The following SEM1 variants were observed in gnomAD, a reference collection of about 807,000 sequenced individuals.
SEM1 encodes the protein SEM1 26S proteasome subunit.
A neutral mutation model predicts 12.7 loss-of-function variants in SEM1; 3 were observed. The ratio of observed to expected loss-of-function variants is 0.24; its 90% CI spans 0.11 to 0.61. The LOEUF (loss-of-function observed/expected upper bound fraction) is 0.61. SEM1 is among the 20% of genes least tolerant of loss of function. The pLI, the probability that SEM1 is intolerant of heterozygous loss-of-function variation, is 0.88. For synonymous variants in SEM1, 30 were observed against 27.8 expected (o/e 1.08, Z -0.25); for missense variants, 59 against 81.3 (o/e 0.73, Z 1.06).
chr7:96,513,134 C>T (rs541696153), intron 2 of SEM1, among the ~76,000 whole-genome samples: 52 of 151,984 alleles, frequency 3.4e-4, no homozygotes, highest in African/African-American at 1.1e-3. Flanking sequence ...AGTTTGGATA[C>T]GGAGACAGAT....
Position 96,564,571 on chromosome 7 carries a change from T to C in SEM1, c.171-57873A>G, listed in dbSNP as rs1235397106. On this transcript the variant is annotated intron_variant and NMD_transcript_variant, in intron 2 of 3. Coordinates refer to the SEM1 transcript ENST00000466986. ...TTTCCCTTTCCTTGACCGTGCCGGC[T>C]AGAAAGTGAATGTGATGGCTGGGGC... 3.3e-5 allele frequency among the ~76,000 whole-genome samples: 5 copies of C among 152,136 alleles called. No homozygotes were observed. The East Asian group carries it at 9.7e-4, about 29-fold the overall frequency.
intron 2 of SEM1, among the ~76,000 whole-genome samples, chr7:96,536,472 A>AT (rs1195682604): frequency 2.6e-5 from 4 of 151,586 alleles, no homozygotes; most frequent in Non-Finnish European, 4.4e-5. Flanking sequence ...ATCAAGACTG[A>AT]TTTTCTTCCT....
chr7:96,619,591 G>A (rs1807827466), downstream of SEM1, among the ~76,000 whole-genome samples: 1 of 152,132 alleles, frequency 6.6e-6, no homozygotes, highest in African/African-American at 2.4e-5. Context: ...TTGCTTGGAA[G>A]CTAATAGTGG....
At chr7:96,683,036 C>A (rs1462790868) in intron 2 of SEM1, among the ~76,000 whole-genome samples, 2 of 151,912 alleles carry the variant, frequency 1.3e-5, no homozygotes, top group Admixed American at 1.3e-4. Context: ...GAATGGCGAT[C>A]ATTAAAAAGT....
At chr7:96,527,139 AAGGG>A (rs2115685698) in intron 2 of SEM1, among the ~76,000 whole-genome samples, 1 of 152,144 alleles carries the variant, frequency 6.6e-6, no homozygotes, top group South Asian at 2.1e-4. Context: ...GCATACCTTG[AAGGG>A]GAAGAGAGGG....
At chr7:96,607,023 G>T (rs1348718415) in intron 2 of SEM1, among the ~76,000 whole-genome samples, 1 of 152,124 alleles carries the variant, frequency 6.6e-6, no homozygotes, top group Non-Finnish European at 1.5e-5. Flanking sequence ...AATTTATGGT[G>T]TTTATACATT....
At chr7:96,592,506 T>C (rs1359265653) in intron 2 of SEM1, among the ~76,000 whole-genome samples, 3 of 151,872 alleles carry the variant, frequency 2.0e-5, no homozygotes, top group Non-Finnish European at 4.4e-5. Flanking sequence ...ATTTATTTAT[T>C]GAGAATATTT....
intron 2 of SEM1, among the ~76,000 whole-genome samples, chr7:96,546,031 T>G (rs1368368995): frequency 6.6e-6 from 1 of 152,134 alleles, no homozygotes; most frequent in Non-Finnish European, 1.5e-5. Context: ...GCCTGTAAGC[T>G]AAGCAGCTGC....
intron 2 of SEM1, among the ~76,000 whole-genome samples, chr7:96,532,083 C>T (rs1055805109): frequency 3.3e-5 from 5 of 152,026 alleles, no homozygotes; most frequent in East Asian, 3.9e-4. Context: ...CATTAGGTTC[C>T]GGGCCCTTTG....
At chr7:96,539,403 G>A (rs537081789) in intron 2 of SEM1, among the ~76,000 whole-genome samples, 7 of 151,650 alleles carry the variant, frequency 4.6e-5, no homozygotes, top group African/African-American at 1.4e-4. Context: ...ACAAGTTGAA[G>A]AAAAAAATTC....
intron 2 of SEM1, among the ~76,000 whole-genome samples, chr7:96,661,988 CAAAAAAAAAAA>C (rs890732912): frequency 4.0e-3 from 145 of 36,032 alleles, no homozygotes; most frequent in Non-Finnish European, 7.1e-3. Context: ...AACTCCGTCT[CAAAAAAAAAAA>C]AAAAAAAAAA....
intron 2 of SEM1, among the ~76,000 whole-genome samples, chr7:96,573,672 G>A (rs1316519083): frequency 7.2e-5 from 11 of 152,084 alleles, no homozygotes; most frequent in East Asian, 5.8e-4. Flanking sequence ...TGGGTAATCC[G>A]ACCTTTCTCT....
chr7:96,632,784 G>GT lies in SEM1; in HGVS notation c.171-10142dup, dbSNP rs11296451. Among the ~76,000 whole-genome samples, 704 of 110,138 alleles carry GT rather than the reference G, an allele frequency of 6.4e-3. 6 individuals are homozygous for GT. The highest frequency in any genetic ancestry group is 0.019 in the African/African-American group (613 of 32,104). The allele number at this position is 110,138 out of a possible 152,430, so 72.3% of individuals were successfully genotyped here. A position where few individuals can be genotyped will look rare whatever the true frequency, so the allele number is the denominator to read the frequency against. ...AGGTGGTTTTTTTTTGTTGTTTTTT[G>GT]TTTTTTTTTTTTTTTTGGCAGACAG... On this transcript the variant is annotated intron_variant, in intron 2 of 2. Transcript: ENST00000417009.
intron 2 of SEM1, among the ~76,000 whole-genome samples, chr7:96,580,400 T>G (rs1482075543): frequency 1.3e-5 from 2 of 150,992 alleles, no homozygotes; most frequent in Non-Finnish European, 2.9e-5. Context: ...TCCAAGTCTT[T>G]GCTATGGTGA....
chr7:96,700,781 T>G (rs1158607017), intron 1 of SEM1, among the ~76,000 whole-genome samples: 1 of 152,160 alleles, frequency 6.6e-6, no homozygotes, highest in African/African-American at 2.4e-5. Context: ...CAAAGAGTTT[T>G]TCAGTGTTTA....
intron 2 of SEM1, among the ~76,000 whole-genome samples, chr7:96,655,252 G>C (rs1809139184): frequency 6.6e-6 from 1 of 152,164 alleles, no homozygotes; most frequent in Admixed American, 6.6e-5. Flanking sequence ...GGAAGCAGAA[G>C]TTAGAGGAGT....
At chr7:96,679,599 T>C (rs2272223) in intron 2 of SEM1, among the ~76,000 whole-genome samples, 50,361 of 151,884 alleles carry the variant, frequency 0.33, 9,807 homozygotes, top group African/African-American at 0.55. Flanking sequence ...TAGGCAGCAA[T>C]AAAAAAGTAT....
intron 2 of SEM1, among the ~76,000 whole-genome samples, chr7:96,665,315 T>G (rs1789140958): frequency 6.6e-6 from 1 of 152,106 alleles, no homozygotes; most frequent in Non-Finnish European, 1.5e-5. Flanking sequence ...TGCCTATATG[T>G]TAGTGGGATT....
intron 1 of SEM1, among the ~76,000 whole-genome samples, chr7:96,490,490 A>T (rs934298581): frequency 3.3e-5 from 5 of 152,176 alleles, no homozygotes; most frequent in African/African-American, 9.6e-5. Context: ...TGAAACAAAA[A>T]TGCTAAATTA....
Sources: allele counts gnomAD v4.1 joint callset (sites outside exome capture counted in the v4.1 genomes callset), GRCh38; gene constraint gnomAD v4.1.1; transcripts MANE v1.5; gene names NCBI Gene and HGNC (gene_info 2026-07-23, HGNC 2026-07-21).